Variants in FGF14 observed in about 807,000 individuals in gnomAD.
FGF14 encodes fibroblast growth factor 14.
FGF14 carries 5 observed loss-of-function variants against 25.5 expected under a neutral mutation model. That is an observed-to-expected ratio of 0.20 (90% CI 0.10 to 0.41). The LOEUF (loss-of-function observed/expected upper bound fraction) is 0.41, where lower values mean the gene tolerates loss of function less well. FGF14 is among the 10% of genes least tolerant of loss of function. FGF14 has a pLI of 1.00. For missense variants in FGF14, 222 were observed against 320.1 expected (o/e 0.69, Z 2.34); for synonymous variants, 138 against 118.3 (o/e 1.17, Z -1.08).
At chr13:102,277,306 C>G (rs1337463833) in intron 1 of FGF14, among the ~76,000 whole-genome samples, 1 of 152,204 alleles carries the variant, frequency 6.6e-6, no homozygotes, top group Non-Finnish European at 1.5e-5. Flanking sequence ...TGAGCTTAAG[C>G]TGAAAGTTAT....
chr13:102,388,310 C>T (rs970442144), intron 1 of FGF14, among the ~76,000 whole-genome samples: 5 of 152,212 alleles, frequency 3.3e-5, no homozygotes, highest in Non-Finnish European at 7.3e-5. Context: ...AAAATTAAAA[C>T]TACAAAGTAG....
In FGF14 at chr13:102,263,097, TA is replaced by T. The variant is rs1386355009; in HGVS notation, c.208+138373del. 3.3e-5 allele frequency: 21 copies of T among 632,884 alleles called. No individual in the cohort carries two copies. In the African/African-American group the frequency reaches 3.7e-4, roughly 11 times the overall value. 39.2% of individuals were successfully genotyped at this position (632,884 alleles called of 1,614,324 possible). ...CTCCTTTTGGAGTTTCACCTGACTT[TA>T]TTACCAGTTTTCGTCTAAATCCACT... On this transcript the variant is annotated intron_variant, in intron 1 of 4. Coordinates refer to the FGF14 transcript ENST00000376131.
chr13:102,052,855 T>C (rs943883905), intron 1 of FGF14, among the ~76,000 whole-genome samples: 1 of 152,020 alleles, frequency 6.6e-6, no homozygotes, highest in Admixed American at 6.6e-5. Flanking sequence ...AACTCATAAA[T>C]AAAAGTAAGC....
intron 1 of FGF14, chr13:102,292,293 A>AAAAC (rs2054457545): frequency 6.6e-6 from 1 of 151,214 alleles, no homozygotes; most frequent in East Asian, 2.0e-4. Flanking sequence ...AAAAAAAAAA[A>AAAAC]AAAAAAAAAA....
At chr13:102,020,992 T>C (rs1205056839) in intron 1 of FGF14, among the ~76,000 whole-genome samples, 1 of 151,738 alleles carries the variant, frequency 6.6e-6, no homozygotes, top group Admixed American at 6.6e-5. Context: ...GAGAGTAGGT[T>C]GTGGTCAGAG....
chr13:102,024,767 G>A lies in FGF14; in HGVS notation c.209-149471C>T, dbSNP rs2040840533. Among the ~76,000 whole-genome samples the A allele has an allele frequency of 2.0e-5, 3 of 151,768 alleles. No homozygotes were observed. The South Asian group carries it at 6.2e-4, about 32-fold the overall frequency. On this transcript the variant is annotated intron_variant, in intron 1 of 4. Transcript: ENST00000376131. ...GTCGATGATTCAATTTTTGTATATG[G>A]TGTGAGGTAAAGGTGTAACTTCAAT... is the stretch of plus-strand genomic sequence containing the variant.
chr13:102,219,280 C>T (rs1179474995), intron 1 of FGF14, among the ~76,000 whole-genome samples: 1 of 152,208 alleles, frequency 6.6e-6, no homozygotes, highest in African/African-American at 2.4e-5. Context: ...CTCCCAGCAT[C>T]TCTGGAGTCT....
intron 1 of FGF14, among the ~76,000 whole-genome samples, chr13:102,198,189 C>T (rs1010930017): frequency 8.5e-5 from 13 of 152,080 alleles, no homozygotes; most frequent in Non-Finnish European, 1.2e-4. Context: ...AACAGGGATG[C>T]TTTTTTAGGC....
intron 1 of FGF14, among the ~76,000 whole-genome samples, chr13:102,032,882 T>G (rs1566597470): frequency 6.6e-6 from 1 of 152,074 alleles, no homozygotes; most frequent in Non-Finnish European, 1.5e-5. Context: ...CAACCAAGAT[T>G]TTATTCCCAG....
In FGF14 at chr13:101,790,996, T is replaced by C. The variant is rs550690726; in HGVS notation, c.409-64186A>G. Reference sequence around the variant, plus strand: ...TGTTTTCTTTTGTTCTATCAATAAGTCAGATGAAGTAAAGAATTTGCAAAA... The same window carrying C: ...TGTTTTCTTTTGTTCTATCAATAAGCCAGATGAAGTAAAGAATTTGCAAAA... On this transcript the variant is annotated intron_variant, in intron 3 of 4. Coordinates refer to ENST00000376143, the MANE Select transcript of FGF14 (RefSeq NM_004115.4). Among the ~76,000 whole-genome samples, 56 of 152,312 alleles carry C rather than the reference T, an allele frequency of 3.7e-4. 1 individual carries two copies. The highest frequency in any genetic ancestry group is 2.6e-4 in the Admixed American group (4 of 15,284).
At chr13:102,336,041 A>G (rs1006961429) in intron 1 of FGF14, among the ~76,000 whole-genome samples, 4 of 152,136 alleles carry the variant, frequency 2.6e-5, no homozygotes, top group Admixed American at 1.3e-4. Flanking sequence ...AAGAATATTG[A>G]GATGAGGCCA....
At chr13:102,218,903 A>G (rs1333123637) in intron 1 of FGF14, among the ~76,000 whole-genome samples, 1 of 152,148 alleles carries the variant, frequency 6.6e-6, no homozygotes, top group Non-Finnish European at 1.5e-5. Flanking sequence ...TGTCTGCATA[A>G]TATTCAAATT....
chr13:101,907,142 T>G (rs2032343582), intron 1 of FGF14, among the ~76,000 whole-genome samples: 1 of 152,118 alleles, frequency 6.6e-6, no homozygotes, highest in Non-Finnish European at 1.5e-5. Context: ...AGAAAGACCA[T>G]TCATCTTCTT....
intron 1 of FGF14, among the ~76,000 whole-genome samples, chr13:102,087,082 G>A (rs1229009183): frequency 6.6e-6 from 1 of 152,194 alleles, no homozygotes; most frequent in African/African-American, 2.4e-5. Flanking sequence ...GAGGAACACA[G>A]AGATCCAAAA....
chr13:101,893,057 C>T (rs1322697), intron 1 of FGF14, among the ~76,000 whole-genome samples: 3,189 of 152,174 alleles, frequency 0.021, 134 homozygotes, highest in African/African-American at 0.072. Context: ...ATACCCATGA[C>T]CCTGCAGTAG....
chr13:102,119,487 C>G (rs951257317), intron 1 of FGF14, among the ~76,000 whole-genome samples: 1 of 151,958 alleles, frequency 6.6e-6, no homozygotes, highest in Non-Finnish European at 1.5e-5. Flanking sequence ...GAATACTAAA[C>G]GAGGCTAAGA....
intron 1 of FGF14, among the ~76,000 whole-genome samples, chr13:102,057,704 ATTTC>A (rs2042497446): frequency 2.0e-5 from 3 of 152,146 alleles, no homozygotes; most frequent in African/African-American, 7.2e-5. Flanking sequence ...GTTGACAGTA[ATTTC>A]TTAATGCATA....
At chr13:101,817,964 G>A (rs2140219863) in intron 3 of FGF14, among the ~76,000 whole-genome samples, 1 of 152,254 alleles carries the variant, frequency 6.6e-6, no homozygotes, top group Non-Finnish European at 1.5e-5. Context: ...TAAACAAATT[G>A]TATGCCATCT....
chr13:101,904,399 A>C (rs1432351421), intron 1 of FGF14, among the ~76,000 whole-genome samples: 1 of 152,232 alleles, frequency 6.6e-6, no homozygotes, highest in Non-Finnish European at 1.5e-5. Context: ...CTATCTCTGG[A>C]GATGCCAATG....
Sources: allele counts gnomAD v4.1 joint callset (sites outside exome capture counted in the v4.1 genomes callset), GRCh38; gene constraint gnomAD v4.1.1; transcripts MANE v1.5; gene names NCBI Gene and HGNC (gene_info 2026-07-23, HGNC 2026-07-21).